The following CEP104 variants were observed in gnomAD, a reference collection of about 807,000 sequenced individuals.
The protein encoded by CEP104 is centrosomal protein 104.
CEP104 carries 84 observed loss-of-function variants against 113.3 expected under a neutral mutation model. The observed-to-expected ratio is 0.74, with a 90% CI of 0.62 to 0.89. The LOEUF (loss-of-function observed/expected upper bound fraction) is 0.89, where lower values mean the gene tolerates loss of function less well. CEP104 is among the 40% of genes least tolerant of loss of function. The pLI is 0.00. For missense variants in CEP104, 1,053 were observed against 1,156.6 expected, an observed-to-expected ratio of 0.91 and a Z score of 1.30; for synonymous variants, 378 against 421.7, an observed-to-expected ratio of 0.90 and a Z score of 1.27.
intron 2 of CEP104, 30 bp from the exon 3 acceptor site, chr1:3,848,811 G>A (rs1423811559): frequency 1.3e-6 from 2 of 1,587,310 alleles, no homozygotes; most frequent in Non-Finnish European, 1.7e-6. Context: ...TATATTTTCT[G>A]AACAACTTCT....
Position 3,815,074 on chromosome 1 carries a change from T to A in CEP104, c.*328A>T, listed in dbSNP as rs1557653240. The A allele has an allele frequency of 1.9e-5, 5 of 258,222 alleles. No individual in the cohort carries two copies. Among genetic ancestry groups the A allele is most frequent in the Non-Finnish European group, 2.0e-5 (3 of 150,812 alleles). The allele number at this position is 258,222 out of a possible 1,614,324, so 16.0% of individuals were successfully genotyped here. A position where few individuals can be genotyped will look rare whatever the true frequency, so the allele number is the denominator to read the frequency against. Reference sequence around the variant, plus strand: ...GACCGTGCCTGTGCTGACCGTGGCCTTGCGCGAGCGCCTCCCGGCGGTGCT... The same window carrying A: ...GACCGTGCCTGTGCTGACCGTGGCCATGCGCGAGCGCCTCCCGGCGGTGCT... On this transcript the variant is annotated 3_prime_UTR_variant, in exon 22 of 22. Coordinates refer to ENST00000378230, the MANE Select transcript of CEP104 (RefSeq NM_014704.4).
rs574412007 is a variant in CEP104, at chr1:3,818,101, G to T, written c.2572-1731C>A. Among the ~76,000 whole-genome samples the T allele has an allele frequency of 5.9e-5, 9 of 152,334 alleles. No homozygotes were observed. The South Asian group carries it at 1.7e-3, about 28-fold the overall frequency. ...AGCTGAACCCAGCCAGGCCAGCAGG[G>T]CATCCTCTCTGATGGGCTGTGCTCT... On this transcript the variant is annotated intron_variant, in intron 20 of 21. Transcript: ENST00000378230.
At position 3,836,504 on chromosome 1, in the gene CEP104, T is replaced by A. The variant is rs148455387; in HGVS notation, c.1308A>T (p.Gly436=). The A allele has an allele frequency of 5.5e-3, 7,602 of 1,386,786 alleles. 19 individuals carry two copies. Among genetic ancestry groups the A allele is most frequent in the Non-Finnish European group, 6.7e-3 (6,807 of 1,012,926 alleles). The allele number at this position is 1,386,786 out of a possible 1,614,324, so 85.9% of individuals were successfully genotyped here. A position where few individuals can be genotyped will look rare whatever the true frequency, so the allele number is the denominator to read the frequency against. Reference sequence around the variant, plus strand: ...TTTTTTTTTTTTTTACCAAGGTTTCTCCCAACACATCGATGGCAGAGCTGG... The same window carrying A: ...TTTTTTTTTTTTTTACCAAGGTTTCACCCAACACATCGATGGCAGAGCTGG... ...REASSAIDVL[G]ETLVAEAYCK... Residue 436 remains glycine, a synonymous_variant, in exon 10 of 22, where the codon GGA becomes GGT. Transcript: ENST00000378230.
intron 8 of CEP104, among the ~76,000 whole-genome samples, chr1:3,838,514 G>A (rs1055355940): frequency 6.6e-6 from 1 of 152,148 alleles, no homozygotes; most frequent in Non-Finnish European, 1.5e-5. Context: ...AATCTGTAAC[G>A]TGGGCTGAGT....
Position 3,823,256 on chromosome 1 carries a change from A to G in CEP104, c.2504-15T>C, listed in dbSNP as rs745903373. 1 of 1,614,156 alleles carries G rather than the reference A, an allele frequency of 6.2e-7. No homozygotes were observed. On this transcript the variant is annotated splice_polypyrimidine_tract_variant and intron_variant, in intron 19 of 21. Transcript: ENST00000378230. This position sits in a 1 kb window ranked among gnomAD's most constrained non-coding sequence, Gnocchi z 4.1. Reference sequence around the variant, plus strand: ...CGGTTTGGCAGCTGAAATGATTTTAAAAAGACTCAGTCGCTCCCTGAATGA... The same window carrying G: ...CGGTTTGGCAGCTGAAATGATTTTAGAAAGACTCAGTCGCTCCCTGAATGA...
At chr1:3,836,988 G>A in intron 9 of CEP104, 1 of 518,602 alleles carries the variant, frequency 1.9e-6, no homozygotes, top group Non-Finnish European at 3.4e-6. Flanking sequence ...AACTGACATG[G>A]AGACTACTAA....
chr1:3,816,540 T>C lies in CEP104; in HGVS notation c.2572-170A>G, dbSNP rs951895570. On this transcript the variant is annotated intron_variant, in intron 20 of 21. Coordinates refer to ENST00000378230, the MANE Select transcript of CEP104 (RefSeq NM_014704.4). ...GCACCTCCCTTCGGATATGTTATGA[T>C]AGCCTCTGCAGTCTGTGCAGGGTAC... 4.8e-5 allele frequency: 28 copies of C among 588,922 alleles called. 1 individual carries two copies. Among genetic ancestry groups the C allele is most frequent in the Middle Eastern group, 9.0e-4 (2 of 2,224 alleles). 36.5% of individuals were successfully genotyped at this position (588,922 alleles called of 1,614,324 possible). A position where few individuals can be genotyped will look rare whatever the true frequency, so the allele number is the denominator to read the frequency against.
intron 5 of CEP104, 59 bp downstream of exon 5, chr1:3,845,230 G>T: frequency 8.6e-7 from 1 of 1,163,930 alleles, no homozygotes; most frequent in South Asian, 1.3e-5. Context: ...GAAAATAAAT[G>T]ACTCCCTCCC....
At chr1:3,839,428 C>T (rs1644374170) in intron 7 of CEP104, among the ~76,000 whole-genome samples, 180 bp downstream of exon 7, 1 of 152,170 alleles carries the variant, frequency 6.6e-6, no homozygotes, top group Non-Finnish European at 1.5e-5. Flanking sequence ...AAAGCTTCTG[C>T]TTCCATTTAC....
intron 11 of CEP104, among the ~76,000 whole-genome samples, chr1:3,834,613 A>C (rs1644275765): frequency 6.6e-6 from 1 of 152,248 alleles, no homozygotes; most frequent in South Asian, 2.1e-4. Flanking sequence ...TGAAAACACA[A>C]ACTGAAGATG....
chr1:3,847,746 G>T lies in CEP104; in HGVS notation c.288-133C>A, dbSNP rs1261205963. Reference sequence around the variant, plus strand: ...TTAAAGCTAGACTACCCCTATGCAGGATCAACAGGTTTGAATAAAAGCTAA... The same window carrying T: ...TTAAAGCTAGACTACCCCTATGCAGTATCAACAGGTTTGAATAAAAGCTAA... On this transcript the variant is annotated intron_variant, in intron 3 of 21. Transcript: ENST00000378230. 2.9e-5 allele frequency: 25 copies of T among 859,388 alleles called. No homozygotes were observed. In the South Asian group the frequency reaches 4.2e-4, roughly 14 times the overall value. 53.2% of individuals were successfully genotyped at this position (859,388 alleles called of 1,614,324 possible). A position where few individuals can be genotyped will look rare whatever the true frequency, so the allele number is the denominator to read the frequency against.
rs565284471 is a variant in CEP104 at position 3,844,926 on chromosome 1, G to A, written c.547C>T (p.Leu183=). The A allele has an allele frequency of 6.2e-7, 1 of 1,614,084 alleles. No individual in the cohort carries two copies. The highest frequency in any genetic ancestry group is 2.2e-5 in the East Asian group (1 of 44,870). ...YLGHNSEDPA[L]EGTYARKSDY... ...TCTTACCTGGCGTACGTTCCTTCTAGAGCAGGGTCCTCGCTGTTGTGCCCA... is the reference window on the plus strand; with the variant it reads ...TCTTACCTGGCGTACGTTCCTTCTAAAGCAGGGTCCTCGCTGTTGTGCCCA... Residue 183 remains leucine (L), a synonymous_variant, in exon 6 of 22, where the codon CTA becomes TTA. Transcript: ENST00000378230.
chr1:3,829,384 A>G lies in CEP104; in HGVS notation c.2044-11T>C, dbSNP rs751069180. 6.2e-7 allele frequency: 1 copy of G among 1,602,310 alleles called. No individual in the cohort carries two copies. The highest frequency in any genetic ancestry group is 1.1e-5 in the South Asian group (1 of 89,022). On this transcript the variant is annotated splice_polypyrimidine_tract_variant and intron_variant, in intron 14 of 21. Transcript: ENST00000378230. ...CGCTTTTCTCCGTGCCTGGTAAGAA[A>G]ATTATTTTTCCATTAGAACAGCTTG...
intron 20 of CEP104, among the ~76,000 whole-genome samples, chr1:3,822,246 GGACA>G (rs1643991247): frequency 4.5e-5 from 1 of 22,388 alleles, no homozygotes; most frequent in Non-Finnish European, 7.7e-5. Flanking sequence ...ACAGACAGAG[GGACA>G]GACAGACAGA....
chr1:3,828,364 C>T (rs1301390696), intron 15 of CEP104, among the ~76,000 whole-genome samples: 1 of 152,218 alleles, frequency 6.6e-6, no homozygotes, highest in African/African-American at 2.4e-5. Context: ...TGCCTGCCTC[C>T]TTCCGCCTCC....
rs36051675 is a variant in CEP104, at chr1:3,836,468, GTTTTTTTT to G, written c.1317+19_1317+26del. The G allele has an allele frequency of 2.4e-5, 24 of 1,011,116 alleles. No homozygotes were observed. Among genetic ancestry groups the G allele is most frequent in the Non-Finnish European group, 2.6e-5 (20 of 755,342 alleles). 62.6% of individuals were successfully genotyped at this position (1,011,116 alleles called of 1,614,324 possible). ...AGACTAGCCTCCCCTCTGCCACCCC[GTTTTTTTT>G]TTTTTTTTTTTTTTTTACCAAGGTT... is the stretch of plus-strand genomic sequence containing the variant. On this transcript the variant is annotated intron_variant, in intron 10 of 21. Transcript: ENST00000378230.
chr1:3,842,169 G>A (rs1644425108), intron 6 of CEP104, among the ~76,000 whole-genome samples: 1 of 152,170 alleles, frequency 6.6e-6, no homozygotes, highest in South Asian at 2.1e-4. Flanking sequence ...CTCGCTGCAA[G>A]CTCCGCCTCA....
chr1:3,826,786 G>A, intron 15 of CEP104, 42 bp from the exon 16 acceptor site: 1 of 1,559,648 alleles, frequency 6.4e-7, no homozygotes, highest in African/African-American at 1.4e-5. Flanking sequence ...AAGGGCTGCA[G>A]TGTGAGTGAG....
chr1:3,824,292 G>A (rs1217609106), intron 18 of CEP104, among the ~76,000 whole-genome samples: 1 of 152,126 alleles, frequency 6.6e-6, no homozygotes, highest in Non-Finnish European at 1.5e-5. Flanking sequence ...CTCCGTGTTG[G>A]TCAGGCTGGT....
Sources: allele counts gnomAD v4.1 joint callset (sites outside exome capture counted in the v4.1 genomes callset), GRCh38; gene constraint gnomAD v4.1.1; non-coding constraint Gnocchi (gnomAD v3.1); transcripts MANE v1.5; gene names NCBI Gene and HGNC (gene_info 2026-07-23, HGNC 2026-07-21).